KDELR3: variants seen among roughly 807,000 people sequenced by gnomAD.
The protein encoded by KDELR3 is ER lumen protein-retaining receptor 3.
A neutral mutation model predicts 22.7 loss-of-function variants in KDELR3; 26 were observed. That is an observed-to-expected ratio of 1.15 (90% CI 0.84 to 1.59). The LOEUF is 1.59. Ranked by LOEUF, KDELR3 falls within the 40% of genes most tolerant of loss-of-function variation. The probability of loss-of-function intolerance (pLI) is 0.00; values close to 1 mark genes in which losing one functional copy is unlikely to be tolerated. For missense variants in KDELR3, 289 were observed against 251.1 expected (o/e 1.15, Z -1.02); for synonymous variants, 120 against 98.2 (o/e 1.22, Z -1.31).
intron 2 of KDELR3, among the ~76,000 whole-genome samples, chr22:38,475,104 AAGAC>A (rs1263518831): frequency 8.6e-5 from 13 of 150,602 alleles, no homozygotes; most frequent in African/African-American, 2.7e-4. Flanking sequence ...AAAAAAAAAA[AAGAC>A]AGTACCATTA....
chr22:38,481,644 C>T, intron 4 of KDELR3, 180 bp downstream of exon 4: 4 of 1,455,584 alleles, frequency 2.7e-6, no homozygotes, highest in Non-Finnish European at 3.6e-6. Context: ...AACATGCAGG[C>T]CAATAGGTTA....
chr22:38,481,161 G>T, intron 3 of KDELR3, 51 bp from the exon 4 acceptor site: 1 of 1,467,094 alleles, frequency 6.8e-7, no homozygotes, highest in Non-Finnish European at 9.3e-7. Context: ...CTTTTAAGAT[G>T]GGCCTCTTCT....
chr22:38,477,842 CAG>C (rs777411366), intron 2 of KDELR3, among the ~76,000 whole-genome samples: 12 of 152,202 alleles, frequency 7.9e-5, no homozygotes, highest in Non-Finnish European at 1.2e-4. Flanking sequence ...GCATTCCTGG[CAG>C]AGACAGCAGA....
chr22:38,468,615 C>T (rs1259222298), intron 1 of KDELR3, among the ~76,000 whole-genome samples: 1 of 152,122 alleles, frequency 6.6e-6, no homozygotes, highest in Non-Finnish European at 1.5e-5. Context: ...AGGTGACAAC[C>T]CCTCCCTCCC....
rs1005353762 is a variant in KDELR3, at chr22:38,475,256, G to A, written c.192+633G>A. 3.3e-5 allele frequency among the ~76,000 whole-genome samples: 5 copies of A among 152,174 alleles called. No homozygotes were observed. In the East Asian group the frequency reaches 7.7e-4, roughly 23 times the overall value. ...TTTGGGAGGCCAAGGCGAGAGGACC[G>A]CTTGAGCTCAGGAGTCTGAGACCAG... On this transcript the variant is annotated intron_variant, in intron 2 of 4. Coordinates refer to ENST00000216014, the MANE Select transcript of KDELR3 (RefSeq NM_006855.4).
chr22:38,469,314 A>G (rs73886945), intron 1 of KDELR3, among the ~76,000 whole-genome samples: 14 of 152,196 alleles, frequency 9.2e-5, no homozygotes, highest in African/African-American at 3.4e-4. Flanking sequence ...GCTGGTCCAG[A>G]TGTGAAAGGG....
In KDELR3 at chr22:38,474,539, C is replaced by T; in HGVS notation, c.108C>T (p.Ser36=). The T allele has an allele frequency of 6.2e-7, 1 of 1,613,942 alleles. No homozygotes were observed. Among genetic ancestry groups the T allele is most frequent in the Non-Finnish European group, 8.5e-7 (1 of 1,179,948 alleles). The change falls in exon 2 of 5, where the codon AGC becomes AGT. Residue 36 remains serine (S), a synonymous_variant. Coordinates refer to ENST00000216014, the MANE Select transcript of KDELR3 (RefSeq NM_006855.4). ...SKCCKGISGK[S]QILFALVFTT... is the part of the protein sequence containing the mutation. ...TGGCCACAGGCATCTCTGGGAAGAG[C>T]CAGATCCTGTTTGCTCTCGTCTTCA... is the stretch of plus-strand genomic sequence containing the variant.
intron 1 of KDELR3, among the ~76,000 whole-genome samples, chr22:38,471,605 C>T (rs561730180): frequency 9.9e-5 from 15 of 152,284 alleles, no homozygotes; most frequent in African/African-American, 3.1e-4. Flanking sequence ...CCGAGGCTCG[C>T]CCTAAAGCCA....
intron 3 of KDELR3, 146 bp from the exon 4 acceptor site, chr22:38,481,066 G>C (rs1839889195): frequency 8.0e-6 from 6 of 745,396 alleles, no homozygotes; most frequent in Non-Finnish European, 1.1e-5. Context: ...AGGTTAAACT[G>C]ATTAAAATAT....
intron 2 of KDELR3, among the ~76,000 whole-genome samples, chr22:38,477,123 G>T (rs1379908980): frequency 8.0e-6 from 1 of 125,578 alleles, no homozygotes; most frequent in Non-Finnish European, 1.6e-5. Flanking sequence ...GTTTCACCAT[G>T]TTAGCCAGGA....
chr22:38,475,711 C>T (rs957431429), intron 2 of KDELR3, among the ~76,000 whole-genome samples: 2 of 152,046 alleles, frequency 1.3e-5, no homozygotes, highest in Non-Finnish European at 2.9e-5. Flanking sequence ...ACTGCAGCCT[C>T]CACCTCCTGG....
At chr22:38,482,407 T>A in intron 4 of KDELR3, 89 bp from the exon 5 acceptor site, 1 of 1,085,040 alleles carries the variant, frequency 9.2e-7, no homozygotes, top group Non-Finnish European at 1.4e-6. Context: ...AGCCGGCCAT[T>A]AAGAGATGAT....
chr22:38,482,384 A>C (rs1457501886), intron 4 of KDELR3, 112 bp from the exon 5 acceptor site: 1 of 888,410 alleles, frequency 1.1e-6, no homozygotes, highest in African/African-American at 1.6e-5. Flanking sequence ...TTAACAATCG[A>C]ACATATACTG....
At chr22:38,474,463 G>A (rs2089544649) in intron 1 of KDELR3, 60 bp from the exon 2 acceptor site, 14 of 1,371,686 alleles carry the variant, frequency 1.0e-5, no homozygotes, top group South Asian at 4.7e-5. Flanking sequence ...TGCACCTCTT[G>A]AGGGTGGGCA....
In KDELR3 at chr22:38,474,628, G is replaced by A. The variant is rs1315751263; in HGVS notation, c.192+5G>A. 6.2e-7 allele frequency: 1 copy of A among 1,608,896 alleles called. No homozygotes were observed. Among genetic ancestry groups the A allele is most frequent in the Non-Finnish European group, 8.5e-7 (1 of 1,175,436 alleles). ...ATCTACAACACAGTAATGAAGGTGA[G>A]GGGCTGGGTGATGATGGTTGGGGGA... On this transcript the variant is annotated splice_donor_5th_base_variant and intron_variant, in intron 2 of 4. Coordinates refer to ENST00000216014, the MANE Select transcript of KDELR3 (RefSeq NM_006855.4).
chr22:38,469,008 G>A (rs1254145161), intron 1 of KDELR3, among the ~76,000 whole-genome samples: 2 of 152,266 alleles, frequency 1.3e-5, no homozygotes, highest in African/African-American at 2.4e-5. Context: ...TTGTCCACCG[G>A]CATCCTCGTG....
Position 38,474,588 on chromosome 22 carries a change from A to C in KDELR3, c.157A>C (p.Thr53Pro). 6.2e-7 allele frequency: 1 copy of C among 1,613,922 alleles called. No homozygotes were observed. Among genetic ancestry groups the C allele is most frequent in the Non-Finnish European group, 8.5e-7 (1 of 1,179,954 alleles). The change falls in exon 2 of 5, where the codon ACC (threonine) becomes CCC (proline). Residue 53 changes from threonine to proline, a missense_variant. Physicochemically the swap from Thr to Pro is conservative, Grantham distance 38. Coordinates refer to ENST00000216014, the MANE Select transcript of KDELR3 (RefSeq NM_006855.4). ...VFTTRYLDLF[T>P]NFISIYNTVM... ...CACCACCAGGTACCTGGACCTGTTC[A>C]CCAACTTCATCTCCATCTACAACAC...
intron 3 of KDELR3, among the ~76,000 whole-genome samples, chr22:38,480,691 T>C (rs1165954574): frequency 6.6e-6 from 1 of 151,890 alleles, no homozygotes; most frequent in African/African-American, 2.4e-5. Flanking sequence ...AGGTGGAGCT[T>C]GCAGTGAGCC....
In KDELR3 at chr22:38,478,316, C is replaced by T. The variant is rs1405351181; in HGVS notation, c.193-1277C>T. On this transcript the variant is annotated intron_variant, in intron 2 of 4. Transcript: ENST00000216014. ...ATCCCAGCACTTTGGGAGGCCGAGG[C>T]GGGCGGATCACCTGAGGTGAGGAGT... is the stretch of plus-strand genomic sequence containing the variant. Among the ~76,000 whole-genome samples the T allele has an allele frequency of 4.0e-5, 6 of 151,892 alleles. No homozygotes were observed. In the East Asian group the frequency reaches 5.8e-4, roughly 15 times the overall value.
Sources: gnomAD v4.1 joint callset for allele counts (sites outside exome capture counted in the v4.1 genomes callset) on GRCh38, gnomAD v4.1.1 for gene constraint, MANE v1.5 for transcripts, NCBI Gene and HGNC (gene_info 2026-07-23, HGNC 2026-07-21) for gene names.